Variants in MTA3 observed in about 807,000 individuals in gnomAD.
The protein encoded by MTA3 is metastasis associated 1 family member 3, also known as metastasis-associated protein MTA3.
A neutral mutation model predicts 83.5 loss-of-function variants in MTA3; 34 were observed. The observed-to-expected ratio is 0.41, with a 90% CI of 0.31 to 0.54. The LOEUF (loss-of-function observed/expected upper bound fraction) is 0.54. Ranked by LOEUF, MTA3 falls within the 20% of genes least tolerant of loss-of-function variation. The pLI is 0.33. For synonymous variants in MTA3, 303 were observed against 252.7 expected (o/e 1.20, Z -1.89); for missense variants, 761 against 726.4 (o/e 1.05, Z -0.55).
At chr2:42,638,953 A>G (rs1206698691) in intron 4 of MTA3, among the ~76,000 whole-genome samples, 1 of 151,420 alleles carries the variant, frequency 6.6e-6, no homozygotes, top group Admixed American at 6.6e-5. Context: ...GTTTTGACCA[A>G]TGTGTTAGCA....
chr2:42,666,059 C>T (rs535678109), intron 8 of MTA3, among the ~76,000 whole-genome samples: 10 of 152,238 alleles, frequency 6.6e-5, no homozygotes, highest in African/African-American at 9.6e-5. Flanking sequence ...GGGTGGATCA[C>T]GAGATCAGGA....
intron 14 of MTA3, among the ~76,000 whole-genome samples, chr2:42,710,079 C>G (rs1666473086): frequency 6.6e-6 from 1 of 152,096 alleles, no homozygotes; most frequent in Non-Finnish European, 1.5e-5. Context: ...ATAGGAAATC[C>G]TAAAGCCATT....
intron 2 of MTA3, among the ~76,000 whole-genome samples, chr2:42,553,251 C>T (rs1254051834): frequency 2.6e-5 from 4 of 151,746 alleles, no homozygotes; most frequent in Admixed American, 6.6e-5. Flanking sequence ...CGGTGAAACC[C>T]GTCTCCACTA....
intron 4 of MTA3, among the ~76,000 whole-genome samples, chr2:42,636,462 A>G (rs892488911): frequency 7.2e-5 from 11 of 151,976 alleles, no homozygotes; most frequent in Non-Finnish European, 1.3e-4. Flanking sequence ...GGATTGATTG[A>G]GTCCAGGAGG....
chr2:42,619,368 C>A (rs1472227920), intron 4 of MTA3, among the ~76,000 whole-genome samples: 2 of 152,152 alleles, frequency 1.3e-5, no homozygotes, highest in Admixed American at 1.3e-4. Flanking sequence ...TACTGTTCCA[C>A]TTTTTGTATC....
At chr2:42,505,835 C>T (rs1360306927) in intron 2 of MTA3, among the ~76,000 whole-genome samples, 2 of 147,144 alleles carry the variant, frequency 1.4e-5, no homozygotes, top group African/African-American at 5.1e-5. Flanking sequence ...ATGGCGTGAT[C>T]TCAGCTCACT....
At chr2:42,737,844 A>G (rs982243412) in intron 16 of MTA3, among the ~76,000 whole-genome samples, 1 of 152,214 alleles carries the variant, frequency 6.6e-6, no homozygotes, top group Non-Finnish European at 1.5e-5. Context: ...CCAGATTTGT[A>G]TATTGAATAC....
intron 8 of MTA3, among the ~76,000 whole-genome samples, chr2:42,671,076 C>G (rs915698768): frequency 6.6e-6 from 1 of 151,928 alleles, no homozygotes; most frequent in South Asian, 2.1e-4. Flanking sequence ...CTGAACGATT[C>G]GTTAGTCTTT....
intron 4 of MTA3, among the ~76,000 whole-genome samples, chr2:42,618,116 A>G (rs187425536): frequency 6.5e-4 from 99 of 152,068 alleles, no homozygotes; most frequent in African/African-American, 2.2e-3. Context: ...GGGTAATGTA[A>G]AAAAAAGTTT....
intron 2 of MTA3, among the ~76,000 whole-genome samples, chr2:42,554,653 C>G (rs1677292873): frequency 6.6e-6 from 1 of 152,138 alleles, no homozygotes; most frequent in Non-Finnish European, 1.5e-5. Context: ...CTGTTTCTTT[C>G]TACATGAAAA....
chr2:42,545,631 G>T (rs1676727736), intron 2 of MTA3, among the ~76,000 whole-genome samples: 1 of 152,164 alleles, frequency 6.6e-6, no homozygotes, highest in Non-Finnish European at 1.5e-5. Context: ...TACCTCATTA[G>T]ATAAAATGTG....
intron 3 of MTA3, among the ~76,000 whole-genome samples, chr2:42,579,975 T>C (rs1421642454): frequency 6.6e-6 from 1 of 152,072 alleles, no homozygotes; most frequent in Non-Finnish European, 1.5e-5. Context: ...TAGGTCTTGC[T>C]CTGTTGCCCA....
chr2:42,498,533 AC>A (rs1328795224), intron 2 of MTA3, among the ~76,000 whole-genome samples: 1 of 152,218 alleles, frequency 6.6e-6, no homozygotes, highest in Non-Finnish European at 1.5e-5. Context: ...GAAAAGCTAT[AC>A]ATACTTACGG....
intron 4 of MTA3, among the ~76,000 whole-genome samples, chr2:42,637,021 T>C (rs966009270): frequency 6.6e-6 from 1 of 152,234 alleles, no homozygotes; most frequent in Admixed American, 6.5e-5. Context: ...TAGGATTATA[T>C]GGGACATACC....
chr2:42,685,298 T>C (rs1323196572), intron 9 of MTA3, among the ~76,000 whole-genome samples: 1 of 152,224 alleles, frequency 6.6e-6, no homozygotes, highest in Non-Finnish European at 1.5e-5. Flanking sequence ...GTTTTTCTTT[T>C]GTTTTACCCT....
At chr2:42,533,823 C>A (rs1676094975) in intron 2 of MTA3, among the ~76,000 whole-genome samples, 1 of 108,904 alleles carries the variant, frequency 9.2e-6, no homozygotes, top group Non-Finnish European at 1.8e-5. Flanking sequence ...CAGAGCGAGA[C>A]TCCGTCTCAA....
rs528057821 is a variant in MTA3, at chr2:42,561,752, C to T, written c.-140-8685C>T. 4.3e-4 allele frequency among the ~76,000 whole-genome samples: 65 copies of T among 152,142 alleles called. 1 individual carries two copies. The South Asian group carries it at 0.013, about 30-fold the overall frequency. Reference sequence around the variant, plus strand: ...CTTAGATAAAGTGGTGAGGGGGTCCCCTTCTTTCTCTGTGTATTTCTCTTT... The same window carrying T: ...CTTAGATAAAGTGGTGAGGGGGTCCTCTTCTTTCTCTGTGTATTTCTCTTT... On this transcript the variant is annotated intron_variant, in intron 2 of 17. Coordinates refer to the MTA3 transcript ENST00000405592.
intron 14 of MTA3, among the ~76,000 whole-genome samples, chr2:42,718,404 T>C (rs991735839): frequency 6.6e-6 from 1 of 150,706 alleles, no homozygotes; most frequent in Non-Finnish European, 1.5e-5. Flanking sequence ...TGTGCCACCA[T>C]GCCCAGCTAA....
At chr2:42,670,192 C>G (rs1404608333) in intron 8 of MTA3, among the ~76,000 whole-genome samples, 10 of 151,312 alleles carry the variant, frequency 6.6e-5, no homozygotes, top group Admixed American at 6.6e-4. Context: ...CCAGGAGGTG[C>G]AGGTTGCAGT....
Sources: allele counts gnomAD v4.1 joint callset (sites outside exome capture counted in the v4.1 genomes callset), GRCh38; gene constraint gnomAD v4.1.1; transcripts MANE v1.5; gene names NCBI Gene and HGNC (gene_info 2026-07-23, HGNC 2026-07-21).